Variants in GUCY1A2 observed in about 807,000 individuals in gnomAD.
The protein encoded by GUCY1A2 is guanylate cyclase 1 soluble subunit alpha 2.
Under a neutral mutation model 63.5 loss-of-function variants are expected in GUCY1A2, and 27 were observed. The observed-to-expected ratio is 0.43, with a 90% CI of 0.31 to 0.59. The LOEUF is 0.59. Ranked by LOEUF, GUCY1A2 falls within the 20% of genes least tolerant of loss-of-function variation. The pLI is 0.11. For synonymous variants in GUCY1A2, 364 were observed against 343.5 expected, an observed-to-expected ratio of 1.06 and a Z score of -0.66; for missense variants, 768 against 913.3, an observed-to-expected ratio of 0.84 and a Z score of 2.05.
intron 4 of GUCY1A2, among the ~76,000 whole-genome samples, chr11:106,854,146 A>G (rs1305345793): frequency 6.6e-6 from 1 of 152,202 alleles, no homozygotes; most frequent in Non-Finnish European, 1.5e-5. Context: ...ATGCTTGGAC[A>G]TTAGTGGTAG....
chr11:106,717,729 T>C (rs1172519712), intron 6 of GUCY1A2, among the ~76,000 whole-genome samples: 2 of 152,196 alleles, frequency 1.3e-5, no homozygotes, highest in Non-Finnish European at 2.9e-5. Flanking sequence ...TTGTGCACAT[T>C]GTGAGGTAAG....
intron 7 of GUCY1A2, among the ~76,000 whole-genome samples, chr11:106,703,285 T>A (rs1862849434): frequency 6.6e-6 from 1 of 152,152 alleles, no homozygotes; most frequent in Non-Finnish European, 1.5e-5. Flanking sequence ...ACATCTATCC[T>A]ATTAGTTCTG....
chr11:106,819,765 G>A (rs887131757), intron 4 of GUCY1A2, among the ~76,000 whole-genome samples: 17 of 152,024 alleles, frequency 1.1e-4, no homozygotes, highest in Admixed American at 9.2e-4. Context: ...CAGTATCTCT[G>A]AGGTGTGCCT....
intron 3 of GUCY1A2, among the ~76,000 whole-genome samples, chr11:106,966,104 CTCTTT>C (rs1239229308): frequency 1.3e-5 from 2 of 151,620 alleles, no homozygotes; most frequent in Non-Finnish European, 2.9e-5. Flanking sequence ...TATTTTTCTT[CTCTTT>C]TCTTTTTTGT....
chr11:106,765,701 T>C (rs1864150627), intron 6 of GUCY1A2, among the ~76,000 whole-genome samples: 1 of 152,094 alleles, frequency 6.6e-6, no homozygotes, highest in Admixed American at 6.6e-5. Context: ...AACCTCCTGA[T>C]TACATGGTCA....
intron 4 of GUCY1A2, among the ~76,000 whole-genome samples, chr11:106,870,107 A>AGG (rs536416669): frequency 0.22 from 9,504 of 43,646 alleles, 517 homozygotes; most frequent in Non-Finnish European, 0.25. Flanking sequence ...GCCTCTTGTG[A>AGG]GGGGGGGGGA....
Position 106,939,783 on chromosome 11 carries a change from C to A in GUCY1A2, c.883G>T (p.Glu295Ter). Residue 295 changes from glutamate to a stop codon, truncating the protein, a stop_gained, in exon 4 of 8, where the codon GAA becomes TAA. Transcript: ENST00000526355. LOFTEE classifies it high-confidence loss of function. ...NCSCLTFLIK[E>*]CENTNIMKNL... ...TTCATGATATTAGTATTTTCACATT[C>A]TTTGATAAGGAAAGTAAGACAGCTA... The A allele has an allele frequency of 6.2e-7, 1 of 1,614,018 alleles. No individual in the cohort carries two copies.
At chr11:107,001,370 T>C (rs1391907424) in intron 1 of GUCY1A2, among the ~76,000 whole-genome samples, 1 of 152,156 alleles carries the variant, frequency 6.6e-6, no homozygotes, top group East Asian at 1.9e-4. Context: ...TCCTAGTATA[T>C]AATGTAAGTT....
intron 6 of GUCY1A2, among the ~76,000 whole-genome samples, chr11:106,723,620 C>T (rs1459945222): frequency 3.9e-5 from 6 of 152,162 alleles, no homozygotes; most frequent in Admixed American, 2.6e-4. Context: ...AGGCTGAGTT[C>T]GAGACCAGCC....
chr11:106,823,990 G>A, intron 4 of GUCY1A2: 1 of 862,046 alleles, frequency 1.2e-6, no homozygotes, highest in East Asian at 3.0e-5. Context: ...TATAGTTATT[G>A]CTTTTATAAA....
At chr11:106,690,453 T>C (rs908796738) in intron 7 of GUCY1A2, among the ~76,000 whole-genome samples, 1 of 152,146 alleles carries the variant, frequency 6.6e-6, no homozygotes, top group Admixed American at 6.5e-5. Context: ...TTCTCATTTA[T>C]AATTGGGAAC....
At position 106,676,293 on chromosome 11, in the gene GUCY1A2, C is replaced by T. The variant is rs547841779; in HGVS notation, c.*11256G>A. ...CTTATTTTCCCTTAGGAGTCAAATA[C>T]TCTGCTAGAAATGATTTAATTTTCC... On this transcript the variant is annotated 3_prime_UTR_variant, in exon 8 of 8. Transcript: ENST00000526355. 1 of 183,526 alleles carries T rather than the reference C, an allele frequency of 5.4e-6. No individual in the cohort carries two copies. Among genetic ancestry groups the T allele is most frequent in the South Asian group, 2.0e-4 (1 of 5,080 alleles). 11.4% of individuals were successfully genotyped at this position (183,526 alleles called of 1,614,324 possible). A position where few individuals can be genotyped will look rare whatever the true frequency, so the allele number is the denominator to read the frequency against.
chr11:106,781,647 C>T (rs1412200095), intron 5 of GUCY1A2, among the ~76,000 whole-genome samples: 1 of 151,870 alleles, frequency 6.6e-6, no homozygotes, highest in Non-Finnish European at 1.5e-5. Flanking sequence ...CTCTGCAACC[C>T]CTCCATCCCG....
chr11:106,782,956 C>G (rs953084827), intron 5 of GUCY1A2, among the ~76,000 whole-genome samples: 1 of 152,144 alleles, frequency 6.6e-6, no homozygotes, highest in African/African-American at 2.4e-5. Context: ...GAAGTGAACT[C>G]TTAACCAAAG....
chr11:106,891,276 C>A (rs1332337155), intron 4 of GUCY1A2, among the ~76,000 whole-genome samples: 1 of 151,950 alleles, frequency 6.6e-6, no homozygotes, highest in Non-Finnish European at 1.5e-5. Context: ...GCTGATCAAG[C>A]CTTTGCTTTT....
intron 3 of GUCY1A2, among the ~76,000 whole-genome samples, chr11:106,952,673 CAG>C (rs1398413494): frequency 3.3e-5 from 5 of 150,924 alleles, no homozygotes; most frequent in African/African-American, 1.2e-4. Flanking sequence ...TCTTTTTAAA[CAG>C]AGTCTTGATC....
Position 106,939,690 on chromosome 11 carries a change from C to A in GUCY1A2, c.976G>T (p.Ala326Ser). ...TCAAACATCAAGTGGAAAGGGAAGG[C>A]TCTACAGAAGGTGTTGATGCTAATT... ...LRISINTFCR[A>S]FPFHLMFDPS... The change falls in exon 4 of 8, where the codon GCC becomes TCC. Residue 326 changes from alanine (A) to serine (S), a missense_variant. By Grantham distance (99) the Ala-to-Ser change is moderately conservative (BLOSUM62 1). Around this residue, in one of 3 missense-constraint regions of GUCY1A2, gnomAD observed 496 missense variants for 486.9 expected, o/e 1.02. Transcript: ENST00000526355. The A allele has an allele frequency of 6.2e-7, 1 of 1,613,922 alleles. No homozygotes were observed. Among genetic ancestry groups the A allele is most frequent in the Non-Finnish European group, 8.5e-7 (1 of 1,179,834 alleles).
intron 2 of GUCY1A2, among the ~76,000 whole-genome samples, chr11:106,983,221 G>A (rs1448986083): frequency 6.6e-6 from 1 of 152,188 alleles, no homozygotes; most frequent in Non-Finnish European, 1.5e-5. Flanking sequence ...CGATAGTGGA[G>A]ATGAAGAGAA....
intron 4 of GUCY1A2, among the ~76,000 whole-genome samples, chr11:106,822,713 A>G (rs571848114): frequency 2.6e-5 from 4 of 152,196 alleles, no homozygotes; most frequent in Non-Finnish European, 5.9e-5. Flanking sequence ...TTGGTCTCAA[A>G]AAGTCTAGAG....
Sources: gnomAD v4.1 joint callset for allele counts (sites outside exome capture counted in the v4.1 genomes callset) on GRCh38, gnomAD v4.1.1 for gene constraint, gnomAD v4.1.1 regional missense constraint, MANE v1.5 for transcripts, NCBI Gene and HGNC (gene_info 2026-07-23, HGNC 2026-07-21) for gene names.